Variants in SLC41A2 observed in about 807,000 individuals in gnomAD.
The protein encoded by SLC41A2 is solute carrier family 41 member 2.
In SLC41A2, 32 loss-of-function variants were observed where a neutral mutation model predicts 58.3. The observed-to-expected ratio is 0.55, with a 90% confidence interval of 0.41 to 0.74. The LOEUF (loss-of-function observed/expected upper bound fraction) is 0.74, where lower values mean the gene tolerates loss of function less well. Ranked by LOEUF, SLC41A2 falls within the 30% of genes least tolerant of loss-of-function variation. The probability of loss-of-function intolerance (pLI) is 0.00; values close to 1 mark genes in which losing one functional copy is unlikely to be tolerated. For missense variants in SLC41A2, 514 were observed against 680.6 expected, an observed-to-expected ratio of 0.76 and a Z score of 2.72; for synonymous variants, 190 against 235.0, an observed-to-expected ratio of 0.81 and a Z score of 1.75.
At chr12:104,939,283 AAACTCCTGGACTC>A (rs2047407571) in intron 1 of SLC41A2, among the ~76,000 whole-genome samples, 1 of 152,192 alleles carries the variant, frequency 6.6e-6, no homozygotes, top group Non-Finnish European at 1.5e-5. Flanking sequence ...CCAAAGCCTC[AAACTCCTGGACTC>A]AAGTGATCCT....
chr12:104,926,525 T>C (rs1285548170), intron 2 of SLC41A2, among the ~76,000 whole-genome samples: 4 of 151,524 alleles, frequency 2.6e-5, no homozygotes, highest in East Asian at 1.9e-4. Flanking sequence ...GAGGTGGAGA[T>C]TGCAGTGAGC....
chr12:104,829,178 G>T (rs12314394), intron 10 of SLC41A2, among the ~76,000 whole-genome samples: 2,812 of 152,182 alleles, frequency 0.018, 82 homozygotes, highest in African/African-American at 0.065. Flanking sequence ...AAATATATCT[G>T]CACAAAAATG....
chr12:104,823,646 CAAAT>C (rs879619895), intron 10 of SLC41A2, among the ~76,000 whole-genome samples: 3 of 152,046 alleles, frequency 2.0e-5, no homozygotes, highest in Non-Finnish European at 4.4e-5. Flanking sequence ...GTCAGAGACT[CAAAT>C]AAAAGCTAAA....
chr12:104,948,239 G>C (rs1471506484), intron 1 of SLC41A2, among the ~76,000 whole-genome samples: 1 of 152,070 alleles, frequency 6.6e-6, no homozygotes, highest in African/African-American at 2.4e-5. Flanking sequence ...CGAAAAAAAT[G>C]TTTATTTCCC....
At chr12:104,844,176 G>A (rs995440459) in intron 10 of SLC41A2, among the ~76,000 whole-genome samples, 1 of 152,116 alleles carries the variant, frequency 6.6e-6, no homozygotes, top group African/African-American at 2.4e-5. Flanking sequence ...GGAAAATGAT[G>A]CAAATGCAAA....
At chr12:104,847,578 C>T (rs1197742079) in intron 8 of SLC41A2, among the ~76,000 whole-genome samples, 1 of 136,302 alleles carries the variant, frequency 7.3e-6, no homozygotes, top group Non-Finnish European at 1.5e-5. Context: ...GCACTCCAGC[C>T]TGACGACAGA....
rs180682916 is a variant in SLC41A2, at chr12:104,877,252, T to C, written c.1027+9041A>G. On this transcript the variant is annotated intron_variant, in intron 6 of 10. Coordinates refer to ENST00000258538, the MANE Select transcript of SLC41A2 (RefSeq NM_001352171.3). ...AATGTGCCTGTTCCTAATCTTTGTA[T>C]TCAGAATAAAAATATTAGGCATCCA... Among the ~76,000 whole-genome samples, 731 of 152,302 alleles carry C rather than the reference T, an allele frequency of 4.8e-3. 3 individuals are homozygous for C. Among genetic ancestry groups the C allele is most frequent in the Non-Finnish European group, 6.8e-3 (461 of 68,020 alleles).
At chr12:104,943,256 A>G (rs1428419116) in intron 1 of SLC41A2, among the ~76,000 whole-genome samples, 1 of 152,180 alleles carries the variant, frequency 6.6e-6, no homozygotes, top group Non-Finnish European at 1.5e-5. Flanking sequence ...TAAGAAAACT[A>G]AACAATCTGG....
At chr12:104,949,902 A>C (rs2047890328) in intron 1 of SLC41A2, among the ~76,000 whole-genome samples, 1 of 152,132 alleles carries the variant, frequency 6.6e-6, no homozygotes, top group African/African-American at 2.4e-5. Flanking sequence ...AACCTTTAAG[A>C]ACAGGTAAGA....
chr12:104,808,792 C>T (rs12368247), intron 10 of SLC41A2, among the ~76,000 whole-genome samples: 14,290 of 151,816 alleles, frequency 0.094, 735 homozygotes, highest in Middle Eastern at 0.11. Flanking sequence ...TGGTTTAGTC[C>T]TGGGAGGGTG....
chr12:104,854,487 T>C (rs960600883), intron 8 of SLC41A2, among the ~76,000 whole-genome samples: 18 of 149,446 alleles, frequency 1.2e-4, no homozygotes, highest in Non-Finnish European at 7.4e-5. Flanking sequence ...GGCGTGAACC[T>C]GGGAGGCGGA....
chr12:104,808,840 C>A (rs1223462163), intron 10 of SLC41A2, among the ~76,000 whole-genome samples: 1 of 152,144 alleles, frequency 6.6e-6, no homozygotes, highest in Admixed American at 6.5e-5. Flanking sequence ...TCTAGATTTT[C>A]TAGTTTATTT....
intron 1 of SLC41A2, among the ~76,000 whole-genome samples, chr12:104,939,141 C>T (rs2135936261): frequency 6.6e-6 from 1 of 152,304 alleles, no homozygotes; most frequent in Middle Eastern, 3.4e-3. Context: ...TTTATAGAGT[C>T]ATGTCAGGGA....
chr12:104,878,891 G>C (rs2044204549), intron 6 of SLC41A2, among the ~76,000 whole-genome samples: 1 of 152,190 alleles, frequency 6.6e-6, no homozygotes, highest in Non-Finnish European at 1.5e-5. Context: ...TCGCCACACT[G>C]TCTTCCACAA....
At chr12:104,853,930 T>TTTTTTTTA in intron 8 of SLC41A2, among the ~76,000 whole-genome samples, 1 of 140,106 alleles carries the variant, frequency 7.1e-6, no homozygotes, top group African/African-American at 2.7e-5. Context: ...TTTTTTTTTT[T>TTTTTTTTA]TTTTTTTTTA....
At chr12:104,873,392 T>C (rs567396863) in intron 6 of SLC41A2, among the ~76,000 whole-genome samples, 1 of 152,340 alleles carries the variant, frequency 6.6e-6, no homozygotes, top group African/African-American at 2.4e-5. Context: ...CAATATTACA[T>C]TGTATATATA....
intron 7 of SLC41A2, among the ~76,000 whole-genome samples, chr12:104,865,905 T>C (rs1049411606): frequency 6.6e-6 from 1 of 152,160 alleles, no homozygotes; most frequent in Non-Finnish European, 1.5e-5. Flanking sequence ...TTTATGTTGT[T>C]CTATTTATTT....
intron 2 of SLC41A2, among the ~76,000 whole-genome samples, chr12:104,916,705 C>G (rs1215088174): frequency 2.6e-5 from 4 of 151,994 alleles, no homozygotes; most frequent in Non-Finnish European, 5.9e-5. Flanking sequence ...ACAAACCTGA[C>G]AAAAACAAGC....
intron 3 of SLC41A2, among the ~76,000 whole-genome samples, chr12:104,907,883 C>A (rs1445344712): frequency 7.9e-5 from 12 of 152,192 alleles, no homozygotes; most frequent in Non-Finnish European, 1.2e-4. Flanking sequence ...TTATTGTCCT[C>A]TGCAGATATA....
Sources: allele counts gnomAD v4.1 joint callset (sites outside exome capture counted in the v4.1 genomes callset), GRCh38; gene constraint gnomAD v4.1.1; transcripts MANE v1.5; gene names NCBI Gene and HGNC (gene_info 2026-07-23, HGNC 2026-07-21).